Variants in MPRIP observed in about 807,000 individuals in gnomAD.
MPRIP encodes the protein myosin phosphatase Rho interacting protein, also known as myosin phosphatase Rho-interacting protein.
In MPRIP, 59 loss-of-function variants were observed where a neutral mutation model predicts 234.9. The ratio of observed to expected loss-of-function variants is 0.25; its 90% CI spans 0.20 to 0.31. MPRIP has a LOEUF of 0.31. MPRIP is among the 10% of genes least tolerant of loss of function. The pLI is 1.00. For missense variants in MPRIP, 2,436 were observed against 3,071.0 expected (o/e 0.79, Z 4.89); for synonymous variants, 1,144 against 1,263.9 (o/e 0.91, Z 2.01).
rs537354341 is a variant in MPRIP at position 17,188,648 on chromosome 17, G to A, written c.*3754G>A. On this transcript the variant is annotated 3_prime_UTR_variant, in exon 24 of 24. Transcript: ENST00000651222. ...TATGGAATGTATTTACTATCATTTTGTTTTACTATAGAGGTAGATGGGACT... is the reference window on the plus strand; with the variant it reads ...TATGGAATGTATTTACTATCATTTTATTTTACTATAGAGGTAGATGGGACT... 6.6e-6 allele frequency: 1 copy of A among 152,374 alleles called. No homozygotes were observed. Among genetic ancestry groups the A allele is most frequent in the South Asian group, 2.1e-4 (1 of 4,832 alleles). The allele number at this position is 152,374 out of a possible 1,614,324, so 9.4% of individuals were successfully genotyped here.
intron 1 of MPRIP, among the ~76,000 whole-genome samples, chr17:17,071,069 C>T (rs1049943461): frequency 2.6e-5 from 4 of 152,178 alleles, no homozygotes; most frequent in African/African-American, 9.7e-5. Context: ...CTGACACACC[C>T]TAGCATGGAG....
rs774321394 is a variant in MPRIP at position 17,185,603 on chromosome 17, C to G, written c.*709C>G. Reference sequence around the variant, plus strand: ...TCCTTCCTTCCTTCCTTCCTCCGCTCGTTCCTTTCTTGGTCTCCAGTAACC... The same window carrying G: ...TCCTTCCTTCCTTCCTTCCTCCGCTGGTTCCTTTCTTGGTCTCCAGTAACC... On this transcript the variant is annotated 3_prime_UTR_variant, in exon 24 of 24. Transcript: ENST00000651222. 1.1e-5 allele frequency: 5 copies of G among 456,208 alleles called. No homozygotes were observed. The highest frequency in any genetic ancestry group is 3.1e-5 in the South Asian group (2 of 64,512). The allele number at this position is 456,208 out of a possible 1,614,324, so 28.3% of individuals were successfully genotyped here.
intron 13 of MPRIP, among the ~76,000 whole-genome samples, chr17:17,155,980 G>C (rs1273303000): frequency 6.6e-6 from 1 of 152,262 alleles, no homozygotes; most frequent in African/African-American, 2.4e-5. Context: ...AGTGAGAAAG[G>C]CCTCAGCTTC....
chr17:17,059,437 G>A (rs887574190), intron 1 of MPRIP, among the ~76,000 whole-genome samples: 3 of 152,250 alleles, frequency 2.0e-5, no homozygotes, highest in Non-Finnish European at 4.4e-5. Flanking sequence ...GTTGGGCCAT[G>A]GGCTTGAGGA....
At chr17:17,118,818 G>C (rs911777546) in intron 3 of MPRIP, among the ~76,000 whole-genome samples, 1 of 151,580 alleles carries the variant, frequency 6.6e-6, no homozygotes, top group Admixed American at 6.6e-5. Context: ...CTTGGGCTTT[G>C]GGGATATCTG....
intron 12 of MPRIP, among the ~76,000 whole-genome samples, chr17:17,152,532 G>T (rs1388287519): frequency 6.6e-6 from 1 of 152,192 alleles, no homozygotes; most frequent in Non-Finnish European, 1.5e-5. Flanking sequence ...AAGGCTTCCT[G>T]GGGGAGGCTT....
At chr17:17,146,455 G>A (rs1290825356) in intron 10 of MPRIP, among the ~76,000 whole-genome samples, 1 of 152,226 alleles carries the variant, frequency 6.6e-6, no homozygotes, top group Admixed American at 6.5e-5. Context: ...CTGGCTGTGG[G>A]ATTGGCTTGT....
At chr17:17,174,766 C>T (rs1337246581) in intron 19 of MPRIP, among the ~76,000 whole-genome samples, 2 of 144,648 alleles carry the variant, frequency 1.4e-5, no homozygotes, top group Admixed American at 7.1e-5. Context: ...ACTCGGGAGG[C>T]GGAGCCTGGG....
chr17:17,044,353 G>T (rs1207008841), intron 1 of MPRIP, among the ~76,000 whole-genome samples: 2 of 152,298 alleles, frequency 1.3e-5, no homozygotes, highest in South Asian at 2.1e-4. Context: ...ATGCGATGAG[G>T]AGTTGTTAGG....
intron 3 of MPRIP, among the ~76,000 whole-genome samples, chr17:17,104,207 G>C (rs956087367): frequency 3.3e-5 from 5 of 152,196 alleles, no homozygotes. Context: ...GGCCTAGAGA[G>C]TCTGAGTCGT....
intron 5 of MPRIP, among the ~76,000 whole-genome samples, chr17:17,135,576 A>T (rs1423700479): frequency 6.6e-6 from 1 of 152,156 alleles, no homozygotes; most frequent in Non-Finnish European, 1.5e-5. Flanking sequence ...AAGTGCTAGT[A>T]TTTTGGGTGT....
intron 18 of MPRIP, 157 bp from the exon 19 acceptor site, chr17:17,173,759 A>C: frequency 4.8e-6 from 4 of 828,602 alleles, no homozygotes; most frequent in Non-Finnish European, 8.1e-6. Flanking sequence ...CCATCTCTGT[A>C]AGGGATCCCT....
intron 15 of MPRIP, among the ~76,000 whole-genome samples, chr17:17,162,404 C>T (rs975369188): frequency 2.0e-5 from 3 of 152,254 alleles, no homozygotes; most frequent in Non-Finnish European, 4.4e-5. Context: ...AACAGGGGCA[C>T]TCAGCTGGCC....
intron 1 of MPRIP, among the ~76,000 whole-genome samples, chr17:17,052,755 C>T (rs2088581134): frequency 6.6e-6 from 1 of 152,178 alleles, no homozygotes; most frequent in South Asian, 2.1e-4. Flanking sequence ...ACATGGGCTA[C>T]TGGCCTAGGC....
intron 3 of MPRIP, among the ~76,000 whole-genome samples, chr17:17,099,538 C>T (rs549556777): frequency 6.6e-6 from 1 of 152,256 alleles, no homozygotes; most frequent in South Asian, 2.1e-4. Flanking sequence ...CCAGCCTGGG[C>T]AACATAGCAA....
chr17:17,080,423 G>A (rs2089436007), intron 3 of MPRIP, among the ~76,000 whole-genome samples: 1 of 152,246 alleles, frequency 6.6e-6, no homozygotes, highest in Admixed American at 6.5e-5. Flanking sequence ...AGGATCCTGA[G>A]ACCTGGAGCA....
intron 5 of MPRIP, among the ~76,000 whole-genome samples, chr17:17,133,724 G>A (rs527323868): frequency 1.4e-4 from 21 of 152,316 alleles, no homozygotes; most frequent in South Asian, 8.3e-4. Flanking sequence ...ATCGCACTGC[G>A]GGAGCAGCAG....
chr17:17,169,929 C>T (rs2046094337), intron 16 of MPRIP, among the ~76,000 whole-genome samples: 1 of 152,030 alleles, frequency 6.6e-6, no homozygotes, highest in Admixed American at 6.6e-5. Flanking sequence ...TCCAAAGAAG[C>T]AACTAGGTCT....
chr17:17,046,885 C>G (rs965936194), intron 1 of MPRIP, among the ~76,000 whole-genome samples: 13 of 152,206 alleles, frequency 8.5e-5, no homozygotes, highest in African/African-American at 3.1e-4. Context: ...TCCAGTAAAA[C>G]TTTATTTACC....
Sources: allele counts gnomAD v4.1 joint callset (sites outside exome capture counted in the v4.1 genomes callset), GRCh38; gene constraint gnomAD v4.1.1; transcripts MANE v1.5; gene names NCBI Gene and HGNC (gene_info 2026-07-23, HGNC 2026-07-21).